ZNF341: variants seen among roughly 807,000 people sequenced by gnomAD.
ZNF341 encodes the protein zinc finger protein 341.
In ZNF341, 52 loss-of-function variants were observed where a neutral mutation model predicts 87.7. The observed-to-expected ratio is 0.59, with a 90% CI of 0.47 to 0.75. ZNF341 has a LOEUF of 0.75. ZNF341 is among the 30% of genes least tolerant of loss of function. The pLI is 0.00. For missense variants in ZNF341, 977 were observed against 1,145.9 expected (o/e 0.85, Z 2.13); for synonymous variants, 459 against 472.7 (o/e 0.97, Z 0.38).
intron 12 of ZNF341, chr20:33,787,604 C>G (rs1383051654): frequency 6.6e-6 from 1 of 152,216 alleles, no homozygotes; most frequent in African/African-American, 2.4e-5. Context: ...GTGGGTTCCT[C>G]AGGTAGCCCA....
chr20:33,783,154 CAAATA>C (rs71192773), intron 11 of ZNF341, among the ~76,000 whole-genome samples: 9 of 149,994 alleles, frequency 6.0e-5, no homozygotes, highest in South Asian at 2.1e-4. Context: ...AACTGCATCT[CAAATA>C]AAATAAAATA....
intron 2 of ZNF341, 31 bp downstream of exon 2, chr20:33,741,043 G>C (rs1404550901): frequency 2.5e-6 from 4 of 1,592,814 alleles, no homozygotes; most frequent in Non-Finnish European, 3.4e-6. Context: ...ACCGGTGGGA[G>C]AGTGAATGGC....
At position 33,753,569 on chromosome 20, in the gene ZNF341, C is replaced by T. The variant is rs574865013; in HGVS notation, c.741+146C>T. The T allele has an allele frequency of 2.8e-6, 3 of 1,086,654 alleles. No individual in the cohort carries two copies. In the East Asian group the frequency reaches 7.9e-5, roughly 29 times the overall value. The allele number at this position is 1,086,654 out of a possible 1,614,324, so 67.3% of individuals were successfully genotyped here. A position where few individuals can be genotyped will look rare whatever the true frequency, so the allele number is the denominator to read the frequency against. On this transcript the variant is annotated intron_variant, in intron 5 of 14. Coordinates refer to ENST00000375200, the MANE Select transcript of ZNF341 (RefSeq NM_001282933.2). ...CCGGTCCTGGCCTTCATGGGGTGTA[C>T]CACATCACAGGGGAGAAGGACTTTA...
chr20:33,753,356 C>T lies in ZNF341; in HGVS notation c.674C>T (p.Ala225Val), dbSNP rs754818891. The T allele has an allele frequency of 8.7e-6, 14 of 1,608,350 alleles. No homozygotes were observed. The highest frequency in any genetic ancestry group is 2.2e-5 in the East Asian group (1 of 44,658). Residue 225 changes from alanine (A) to valine (V), a missense_variant, in exon 5 of 15, where the codon GCG (alanine) becomes GTG (valine). This residue lies in a region of ZNF341 where 515 missense variants were observed against 598.2 expected (regional missense o/e 0.86). Coordinates refer to ENST00000375200, the MANE Select transcript of ZNF341 (RefSeq NM_001282933.2). ...GTGGTGGAGGTGTACAGTGCTGCTGCGCCCCTGGCTGGGAGTGGAACGGTG... is the reference window on the plus strand; with the variant it reads ...GTGGTGGAGGTGTACAGTGCTGCTGTGCCCCTGGCTGGGAGTGGAACGGTG... ...NGVVEVYSAA[A>V]PLAGSGTVEI...
chr20:33,771,252 A>G (rs909569692), intron 10 of ZNF341, among the ~76,000 whole-genome samples: 4 of 151,962 alleles, frequency 2.6e-5, no homozygotes, highest in Non-Finnish European at 5.9e-5. Context: ...TCCTATTTTT[A>G]TTTTATTTTT....
At chr20:33,779,136 G>T (rs2019686589) in intron 10 of ZNF341, among the ~76,000 whole-genome samples, 1 of 152,176 alleles carries the variant, frequency 6.6e-6, no homozygotes, top group Non-Finnish European at 1.5e-5. Context: ...TCTGCCACTG[G>T]GGAGGCCTCA....
chr20:33,745,663 A>G (rs2018902962), intron 3 of ZNF341, among the ~76,000 whole-genome samples: 2 of 152,196 alleles, frequency 1.3e-5, no homozygotes, highest in Admixed American at 1.3e-4. Flanking sequence ...ATAGTACTAT[A>G]TAATTTCCGC....
intron 5 of ZNF341, among the ~76,000 whole-genome samples, chr20:33,754,943 G>GTATT (rs908727784): frequency 5.3e-5 from 8 of 152,120 alleles, no homozygotes; most frequent in Admixed American, 3.9e-4. Context: ...CACGTGACAA[G>GTATT]TATTTATTTA....
chr20:33,762,888 G>C (rs977234462), intron 8 of ZNF341, among the ~76,000 whole-genome samples: 1 of 151,880 alleles, frequency 6.6e-6, no homozygotes, highest in African/African-American at 2.4e-5. Flanking sequence ...TGGCTGCATA[G>C]TATTCTATGG....
intron 3 of ZNF341, among the ~76,000 whole-genome samples, chr20:33,747,486 G>A (rs1601241073): frequency 7.0e-6 from 1 of 143,308 alleles, no homozygotes; most frequent in African/African-American, 2.9e-5. Flanking sequence ...GTAGTGGCGG[G>A]CGCCTGTAGT....
In ZNF341 at chr20:33,789,459, GC is replaced by G. The variant is rs1387409724; in HGVS notation, c.1965-57del. ...CCTTGTGCCCAGGGCTAGTGGAGGG[GC>G]CAGCAAGAGGATCCTAAGCTTGGTG... On this transcript the variant is annotated intron_variant, in intron 13 of 14. Coordinates refer to ENST00000375200, the MANE Select transcript of ZNF341 (RefSeq NM_001282933.2). 6 of 1,577,616 alleles carry G rather than the reference GC, an allele frequency of 3.8e-6. No individual in the cohort carries two copies. The African/African-American group carries it at 8.1e-5, about 21-fold the overall frequency.
Position 33,753,298 on chromosome 20 carries a change from C to T in ZNF341, c.616C>T (p.Pro206Ser), listed in dbSNP as rs1364520770. 2 of 1,612,140 alleles carry T rather than the reference C, an allele frequency of 1.2e-6. No homozygotes were observed. The highest frequency in any genetic ancestry group is 1.7e-4 in the Middle Eastern group (1 of 5,822). Residue 206 changes from proline to serine, a missense_variant, in exon 5 of 15, where the codon CCC (proline) becomes TCC (serine). This residue lies in a region of ZNF341 where 515 missense variants were observed against 598.2 expected (regional missense o/e 0.86). Transcript: ENST00000375200. ...ACCACCTCCACCCCAGAGCCTGGGC[C>T]CCCCTGGGCGTCCCAACCCTGGTGG... ...PPPPPPQSLG[P>S]PGRPNPGGNG...
chr20:33,788,965 G>A lies in ZNF341; in HGVS notation c.1955G>A (p.Cys652Tyr). 6.2e-7 allele frequency: 1 copy of A among 1,613,576 alleles called. No individual in the cohort carries two copies. The highest frequency in any genetic ancestry group is 2.2e-5 in the East Asian group (1 of 44,852). The change falls in exon 13 of 15, where the codon TGC becomes TAC. Residue 652 changes from cysteine (C) to tyrosine (Y), a missense_variant. Around this residue, in one of 3 missense-constraint regions of ZNF341, gnomAD observed 241 missense variants for 335.0 expected, o/e 0.72. Coordinates refer to ENST00000375200, the MANE Select transcript of ZNF341 (RefSeq NM_001282933.2). The stretch of plus-strand genomic sequence containing the variant: ...CACGAGCCCTTCAAGAAATACAAAT[G>A]CCCTTTCTCGTGAGTAGAGACTGCC... ...LIHEPFKKYK[C>Y]PFSTHTGCSK...
At chr20:33,734,421 G>A (rs952648411) in intron 1 of ZNF341, among the ~76,000 whole-genome samples, 1 of 152,184 alleles carries the variant, frequency 6.6e-6, no homozygotes, top group African/African-American at 2.4e-5. Flanking sequence ...GTGGGGGGTC[G>A]GGGTGGAGGC....
intron 8 of ZNF341, among the ~76,000 whole-genome samples, chr20:33,763,541 C>T (rs1002762875): frequency 1.3e-5 from 2 of 152,256 alleles, no homozygotes; most frequent in African/African-American, 4.8e-5. Flanking sequence ...TCAAGTAATC[C>T]ACCCACCTTG....
intron 2 of ZNF341, among the ~76,000 whole-genome samples, chr20:33,744,177 G>A (rs2018867746): frequency 6.6e-6 from 1 of 152,162 alleles, no homozygotes; most frequent in Non-Finnish European, 1.5e-5. Flanking sequence ...CAGCTACTGG[G>A]GTGGCTGAGG....
chr20:33,782,635 G>C (rs1019198599), intron 11 of ZNF341, among the ~76,000 whole-genome samples: 3 of 152,210 alleles, frequency 2.0e-5, no homozygotes, highest in Admixed American at 1.3e-4. Flanking sequence ...GAATTGACTA[G>C]AGGATAGGTG....
intron 1 of ZNF341, among the ~76,000 whole-genome samples, chr20:33,736,726 A>C (rs1049296820): frequency 1.3e-5 from 2 of 152,152 alleles, no homozygotes; most frequent in African/African-American, 2.4e-5. Flanking sequence ...GTTATACCTA[A>C]AAGTGCTATG....
intron 10 of ZNF341, 51 bp downstream of exon 10, chr20:33,770,343 G>GGGGGGGGGGGGGC: frequency 3.9e-6 from 2 of 511,252 alleles, no homozygotes; most frequent in Non-Finnish European, 8.0e-6. Flanking sequence ...GGTGGGCAGG[G>GGGGGGGGGGGGGC]AGCCCAGGGC....
Sources: gnomAD v4.1 joint callset for allele counts (sites outside exome capture counted in the v4.1 genomes callset) on GRCh38, gnomAD v4.1.1 for gene constraint, gnomAD v4.1.1 regional missense constraint, MANE v1.5 for transcripts, NCBI Gene and HGNC (gene_info 2026-07-23, HGNC 2026-07-21) for gene names.